Variants in ASCC1 observed in about 807,000 individuals in gnomAD.
ASCC1 encodes the protein activating signal cointegrator 1 complex subunit 1, also known as ASC-1 complex subunit P50.
ASCC1 carries 35 observed loss-of-function variants against 46.6 expected under a neutral mutation model. The observed-to-expected ratio is 0.75, with a 90% CI of 0.57 to 0.99. The LOEUF is 0.99. Ranked by LOEUF, ASCC1 falls within the 50% of genes least tolerant of loss-of-function variation. The probability of loss-of-function intolerance (pLI) is 0.00; values close to 1 mark genes in which losing one functional copy is unlikely to be tolerated. For missense variants in ASCC1, 376 were observed against 428.7 expected, an observed-to-expected ratio of 0.88 and a Z score of 1.09; for synonymous variants, 143 against 146.6, an observed-to-expected ratio of 0.98 and a Z score of 0.18.
intron 9 of ASCC1, among the ~76,000 whole-genome samples, chr10:72,124,499 T>G (rs1031046651): frequency 1.4e-4 from 21 of 152,174 alleles, no homozygotes; most frequent in Admixed American, 1.4e-3. Flanking sequence ...CAGTTAACAT[T>G]GTACCCCTGG....
intron 7 of ASCC1, 92 bp from the exon 8 acceptor site, chr10:72,133,273 T>C: frequency 7.6e-7 from 1 of 1,317,886 alleles, no homozygotes; most frequent in Non-Finnish European, 1.1e-6. Context: ...GCATGTGCTC[T>C]GTGCTAATCA....
intron 4 of ASCC1, among the ~76,000 whole-genome samples, chr10:72,197,811 C>T (rs1490346115): frequency 2.0e-5 from 3 of 150,468 alleles, no homozygotes; most frequent in Non-Finnish European, 4.4e-5. Context: ...GAAGCTGAGG[C>T]ACAACAATGG....
At position 72,114,557 on chromosome 10, in the gene ASCC1, G is replaced by A. The variant is rs149904701; in HGVS notation, c.957+13525C>T. Reference sequence around the variant, plus strand: ...GGAGAATGGTGTGAACCCGGGAGGCGGAGCATGCAGTGAACTGGATCGCAC... The same window carrying A: ...GGAGAATGGTGTGAACCCGGGAGGCAGAGCATGCAGTGAACTGGATCGCAC... On this transcript the variant is annotated intron_variant, in intron 9 of 9. Transcript: ENST00000672957. 3.1e-3 allele frequency among the ~76,000 whole-genome samples: 464 copies of A among 151,220 alleles called. 3 individuals carry two copies. The highest frequency in any genetic ancestry group is 3.8e-3 in the Non-Finnish European group (258 of 67,832).
intron 3 of ASCC1, among the ~76,000 whole-genome samples, chr10:72,205,616 G>C (rs1443036874): frequency 7.2e-6 from 1 of 138,866 alleles, no homozygotes; most frequent in Non-Finnish European, 1.5e-5. Context: ...GGTGACAAGA[G>C]TGAAACTCCA....
At position 72,190,263 on chromosome 10, in the gene ASCC1, G is replaced by A. The variant is rs143246863; in HGVS notation, c.489+6548C>T. 735 of 776,986 alleles carry A rather than the reference G, an allele frequency of 9.5e-4. 1 individual carries two copies. Among genetic ancestry groups the A allele is most frequent in the Non-Finnish European group, 1.5e-3 (637 of 429,856 alleles). 48.1% of individuals were successfully genotyped at this position (776,986 alleles called of 1,614,324 possible). A position where few individuals can be genotyped will look rare whatever the true frequency, so the allele number is the denominator to read the frequency against. Reference sequence around the variant, plus strand: ...TCTGTTGCAGAGGAATGAGCTGGATGTCACTGTGGAGTTCTGAGAGTCCTG... The same window carrying A: ...TCTGTTGCAGAGGAATGAGCTGGATATCACTGTGGAGTTCTGAGAGTCCTG... On this transcript the variant is annotated intron_variant, in intron 5 of 9. Coordinates refer to ENST00000672957, the MANE Select transcript of ASCC1 (RefSeq NM_001198800.3).
intron 9 of ASCC1, among the ~76,000 whole-genome samples, chr10:72,114,529 G>T (rs1843282012): frequency 6.6e-6 from 1 of 151,672 alleles, no homozygotes; most frequent in African/African-American, 2.4e-5. Context: ...GGAGGCTGAG[G>T]CAGGAGAATG....
chr10:72,208,508 C>T (rs1259940140), intron 3 of ASCC1, among the ~76,000 whole-genome samples: 1 of 152,034 alleles, frequency 6.6e-6, no homozygotes, highest in Admixed American at 6.6e-5. Flanking sequence ...GCCTGTAATC[C>T]CAACACTTTG....
intron 7 of ASCC1, among the ~76,000 whole-genome samples, chr10:72,137,550 A>G (rs1294386163): frequency 6.6e-6 from 1 of 150,510 alleles, no homozygotes; most frequent in Non-Finnish European, 1.5e-5. Flanking sequence ...AAAAAAAGGA[A>G]AAAACATAAG....
intron 1 of ASCC1, among the ~76,000 whole-genome samples, chr10:72,213,730 G>A (rs1260402573): frequency 6.6e-6 from 1 of 151,442 alleles, no homozygotes; most frequent in Non-Finnish European, 1.5e-5. Flanking sequence ...AACATAGTGA[G>A]ACCTCGTCTC....
chr10:72,158,302 T>C (rs886095281), intron 6 of ASCC1, among the ~76,000 whole-genome samples: 1 of 152,238 alleles, frequency 6.6e-6, no homozygotes, highest in African/African-American at 2.4e-5. Flanking sequence ...TGTTCACGCG[T>C]ATTTTCTCTC....
intron 1 of ASCC1, 154 bp downstream of exon 1, chr10:72,216,053 A>G (rs1314069333): frequency 2.0e-5 from 3 of 152,210 alleles, no homozygotes; most frequent in East Asian, 1.9e-4. Context: ...GGGGGCGAAC[A>G]CGCCGCGGTC....
At chr10:72,108,070 CTTTTTCTT>C (rs1453094571) in intron 9 of ASCC1, among the ~76,000 whole-genome samples, 1 of 143,614 alleles carries the variant, frequency 7.0e-6, no homozygotes, top group Non-Finnish European at 1.5e-5. Flanking sequence ...TTTTCTTTTT[CTTTTTCTT>C]TTTTTTTTTT....
chr10:72,102,745 C>T, intron 9 of ASCC1: 1 of 352,362 alleles, frequency 2.8e-6, no homozygotes, highest in Non-Finnish European at 5.5e-6. Flanking sequence ...GAGGCTAAGG[C>T]AGGCAGATCA....
intron 5 of ASCC1, among the ~76,000 whole-genome samples, chr10:72,165,900 A>C (rs1186032539): frequency 6.6e-6 from 1 of 152,250 alleles, no homozygotes; most frequent in Non-Finnish European, 1.5e-5. Context: ...GCTCCCCAGC[A>C]ATAACGGTAA....
intron 5 of ASCC1, chr10:72,190,466 C>T (rs1036836502): frequency 2.0e-5 from 32 of 1,598,420 alleles, no homozygotes; most frequent in Admixed American, 2.0e-4. Context: ...ATCTGCAGGC[C>T]GAAAGAGCCG....
intron 9 of ASCC1, among the ~76,000 whole-genome samples, chr10:72,118,406 T>C (rs1182663965): frequency 6.6e-6 from 1 of 150,628 alleles, no homozygotes; most frequent in Non-Finnish European, 1.5e-5. Context: ...TCAAAAACAG[T>C]ATATAATATG....
At chr10:72,207,284 C>T (rs934726192) in intron 3 of ASCC1, among the ~76,000 whole-genome samples, 2 of 152,080 alleles carry the variant, frequency 1.3e-5, no homozygotes, top group Non-Finnish European at 2.9e-5. Flanking sequence ...TGTGGTGGCG[C>T]ATGCCTGTAG....
intron 9 of ASCC1, among the ~76,000 whole-genome samples, chr10:72,099,144 T>C (rs544335365): frequency 8.5e-5 from 13 of 152,356 alleles, no homozygotes; most frequent in African/African-American, 3.1e-4. Context: ...TTCTTCTCTT[T>C]GTGCCCATGT....
intron 9 of ASCC1, among the ~76,000 whole-genome samples, chr10:72,112,099 G>A (rs1842982426): frequency 6.6e-6 from 1 of 152,158 alleles, no homozygotes; most frequent in Non-Finnish European, 1.5e-5. Context: ...TATTTGGTCT[G>A]GTCTCTAACA....
Sources: allele counts gnomAD v4.1 joint callset (sites outside exome capture counted in the v4.1 genomes callset), GRCh38; gene constraint gnomAD v4.1.1; transcripts MANE v1.5; gene names NCBI Gene and HGNC (gene_info 2026-07-23, HGNC 2026-07-21).